The following CDNF variants were observed in gnomAD, a reference collection of about 807,000 sequenced individuals.
CDNF encodes cerebral dopamine neurotrophic factor.
Under a neutral mutation model 14.8 loss-of-function variants are expected in CDNF, and 9 were observed. The ratio of observed to expected loss-of-function variants is 0.61; its 90% CI spans 0.37 to 1.06. The LOEUF is 1.06. Among genes scored for constraint, CDNF ranks in the 50% least tolerant of loss-of-function variants. The pLI is 0.01. For synonymous variants in CDNF, 86 were observed against 87.2 expected, an observed-to-expected ratio of 0.99 and a Z score of 0.07; for missense variants, 228 against 228.4, an observed-to-expected ratio of 1.00 and a Z score of 0.01.
intron 1 of CDNF, 41 bp downstream of exon 1, chr10:14,837,791 C>A (rs761780592): frequency 1.8e-5 from 23 of 1,282,608 alleles, no homozygotes; most frequent in South Asian, 2.6e-5. Flanking sequence ...TGCGCCGCAG[C>A]GCGGGGCCGC....
chr10:14,830,453 G>A (rs1007735664), intron 1 of CDNF, among the ~76,000 whole-genome samples: 3 of 152,142 alleles, frequency 2.0e-5, no homozygotes, highest in African/African-American at 7.2e-5. Flanking sequence ...TTCTTCCCTA[G>A]GGGTTCATGA....
At chr10:14,829,394 T>G (rs958836080) in intron 1 of CDNF, among the ~76,000 whole-genome samples, 4 of 152,182 alleles carry the variant, frequency 2.6e-5, no homozygotes, top group Non-Finnish European at 5.9e-5. Context: ...GAGGATCTCT[T>G]GAGGCCAGGA....
chr10:14,831,567 C>T lies in CDNF; in HGVS notation c.116-3295G>A, dbSNP rs565520620. Among the ~76,000 whole-genome samples, 1,195 of 145,746 alleles carry T rather than the reference C, an allele frequency of 8.2e-3. 21 individuals carry two copies. Among genetic ancestry groups the T allele is most frequent in the African/African-American group, 0.028 (1,109 of 39,840 alleles). ...ACATATATACACACACACACACACA[C>T]ATATATATATATATATTTTTTTTCA... On this transcript the variant is annotated intron_variant, in intron 1 of 3. Transcript: ENST00000465530.
chr10:14,834,448 C>T (rs1254328852), intron 1 of CDNF: 2 of 152,224 alleles, frequency 1.3e-5, no homozygotes, highest in African/African-American at 4.8e-5. Context: ...CCTCATCACT[C>T]TTGTGGTATT....
At chr10:14,830,229 A>C (rs190763831) in intron 1 of CDNF, among the ~76,000 whole-genome samples, 5 of 152,268 alleles carry the variant, frequency 3.3e-5, no homozygotes, top group African/African-American at 4.8e-5. Context: ...ATCATTTCTC[A>C]GAGATATATA....
At chr10:14,822,662 C>G (rs1411389069) in intron 3 of CDNF, among the ~76,000 whole-genome samples, 1 of 152,126 alleles carries the variant, frequency 6.6e-6, no homozygotes, top group Non-Finnish European at 1.5e-5. Flanking sequence ...TATTAAACAA[C>G]TAGTGGCAGC....
intron 1 of CDNF, chr10:14,834,482 T>C (rs1259985455): frequency 6.6e-6 from 1 of 152,228 alleles, no homozygotes; most frequent in African/African-American, 2.4e-5. Context: ...CTTCATATGA[T>C]TTCTATACCT....
chr10:14,833,768 C>T (rs566512269), intron 1 of CDNF, among the ~76,000 whole-genome samples: 2 of 152,068 alleles, frequency 1.3e-5, no homozygotes, highest in South Asian at 2.1e-4. Context: ...AGTCCTGGGT[C>T]TCAGCCTTGT....
intron 1 of CDNF, chr10:14,834,447 T>G (rs1037817127): frequency 1.9e-4 from 29 of 152,206 alleles, no homozygotes; most frequent in African/African-American, 6.5e-4. Context: ...GCCTCATCAC[T>G]CTTGTGGTAT....
At position 14,820,051 on chromosome 10, in the gene CDNF, T is replaced by C. The variant is rs1289596155; in HGVS notation, c.493A>G (p.Thr165Ala). 6.2e-7 allele frequency: 1 copy of C among 1,614,018 alleles called. No individual in the cohort carries two copies. Among genetic ancestry groups the C allele is most frequent in the Non-Finnish European group, 8.5e-7 (1 of 1,180,002 alleles). ...GEECRACAEK[T>A]DYVNLIQELA... ...TCTTGAATGAGATTCACATAGTCAG[T>C]TTTTTCTGCACAGGCCCTGCACTCC... The change falls in exon 4 of 4, where the codon ACT becomes GCT. Residue 165 changes from threonine to alanine, a missense_variant. Transcript: ENST00000465530.
chr10:14,832,510 T>C (rs960734488), intron 1 of CDNF, among the ~76,000 whole-genome samples: 5 of 152,210 alleles, frequency 3.3e-5, no homozygotes, highest in African/African-American at 1.2e-4. Flanking sequence ...CTCTGAAGGC[T>C]GTCTGAAGAA....
chr10:14,820,195 A>G (rs774531149), intron 3 of CDNF, 37 bp from the exon 4 acceptor site: 1 of 1,598,444 alleles, frequency 6.3e-7, no homozygotes, highest in East Asian at 2.2e-5. Flanking sequence ...ATTACAAAAT[A>G]AATGGAAAAA....
At chr10:14,830,385 C>G (rs919545551) in intron 1 of CDNF, among the ~76,000 whole-genome samples, 1 of 152,190 alleles carries the variant, frequency 6.6e-6, no homozygotes, top group Non-Finnish European at 1.5e-5. Context: ...TACCTGAAGC[C>G]ACTGCAGGGG....
In CDNF at chr10:14,837,872, C is replaced by A; in HGVS notation, c.75G>T (p.Gln25His). ...GLLVSHPVLTQGQEAGGRPGA... is the reference protein window; with the variant it reads ...GLLVSHPVLTHGQEAGGRPGA... Reference sequence around the variant, plus strand: ...CTGGCCGCCCCCCGGCCTCCTGGCCCTGCGTCAGCACCGGGTGAGAGACCA... The same window carrying A: ...CTGGCCGCCCCCCGGCCTCCTGGCCATGCGTCAGCACCGGGTGAGAGACCA... The change falls in exon 1 of 4, where the codon CAG becomes CAT. Residue 25 changes from glutamine to histidine, a missense_variant. By Grantham distance (24) the Gln-to-His change is conservative (BLOSUM62 0). Coordinates refer to ENST00000465530, the MANE Select transcript of CDNF (RefSeq NM_001029954.3). The A allele has an allele frequency of 6.2e-7, 1 of 1,605,614 alleles. No homozygotes were observed. The highest frequency in any genetic ancestry group is 8.5e-7 in the Non-Finnish European group (1 of 1,178,022).
At position 14,819,878 on chromosome 10, in the gene CDNF, C is replaced by A. The variant is rs904469864; in HGVS notation, c.*102G>T. ...TAATACCAACACAAAAAGCATGAGACCAAATATGATGCATTCCCAGTTATC... is the reference window on the plus strand; with the variant it reads ...TAATACCAACACAAAAAGCATGAGAACAAATATGATGCATTCCCAGTTATC... On this transcript the variant is annotated 3_prime_UTR_variant, in exon 4 of 4. Transcript: ENST00000465530. 2 of 1,193,700 alleles carry A rather than the reference C, an allele frequency of 1.7e-6. No homozygotes were observed. The highest frequency in any genetic ancestry group is 2.3e-6 in the Non-Finnish European group (2 of 851,250). 73.9% of individuals were successfully genotyped at this position (1,193,700 alleles called of 1,614,324 possible). A position where few individuals can be genotyped will look rare whatever the true frequency, so the allele number is the denominator to read the frequency against.
At chr10:14,823,892 A>G (rs1315827386) in intron 3 of CDNF, among the ~76,000 whole-genome samples, 1 of 152,216 alleles carries the variant, frequency 6.6e-6, no homozygotes, top group Non-Finnish European at 1.5e-5. Context: ...TTGGAAGCCA[A>G]TAAAAAAGGG....
chr10:14,837,827 C>T lies in CDNF; in HGVS notation c.115+5G>A. ...CGCCATGCAAGCAGTTGTCACACCG[C>T]TCACCTTCACAGTCGGCCCCTGGCC... is the stretch of plus-strand genomic sequence containing the variant. On this transcript the variant is annotated splice_donor_5th_base_variant and intron_variant, in intron 1 of 3. Transcript: ENST00000465530. 4 of 1,562,616 alleles carry T rather than the reference C, an allele frequency of 2.6e-6. No individual in the cohort carries two copies. The highest frequency in any genetic ancestry group is 3.5e-6 in the Non-Finnish European group (4 of 1,150,922).
At position 14,830,762 on chromosome 10, in the gene CDNF, C is replaced by T. The variant is rs375573787; in HGVS notation, c.116-2490G>A. On this transcript the variant is annotated intron_variant, in intron 1 of 3. Transcript: ENST00000465530. ...TTGGGAGGCTGAGGCAGGAGAAATG[C>T]TTGAACCCGGGAGGCGGAGGTTGCA... Among the ~76,000 whole-genome samples the T allele has an allele frequency of 1.5e-3, 230 of 152,244 alleles. No individual in the cohort carries two copies. The Middle Eastern group carries it at 0.02, about 14-fold the overall frequency.
At position 14,837,847 on chromosome 10, in the gene CDNF, C is replaced by T; in HGVS notation, c.100G>A (p.Gly34Arg). ...CACCGCTCACCTTCACAGTCGGCCCCTGGCCGCCCCCCGGCCTCCTGGCCC... is the reference window on the plus strand; with the variant it reads ...CACCGCTCACCTTCACAGTCGGCCCTTGGCCGCCCCCCGGCCTCCTGGCCC... Reference protein sequence around the residue: ...TQGQEAGGRPGADCEVCKEFL... With the variant: ...TQGQEAGGRPRADCEVCKEFL... The change falls in exon 1 of 4, where the codon GGG becomes AGG. Residue 34 changes from glycine to arginine, a missense_variant. Gly to Arg is a moderately radical substitution (Grantham distance 125, BLOSUM62 -2). Coordinates refer to ENST00000465530, the MANE Select transcript of CDNF (RefSeq NM_001029954.3). 6.3e-7 allele frequency: 1 copy of T among 1,593,880 alleles called. No homozygotes were observed.
Sources: allele counts gnomAD v4.1 joint callset (sites outside exome capture counted in the v4.1 genomes callset), GRCh38; gene constraint gnomAD v4.1.1; transcripts MANE v1.5; gene names NCBI Gene and HGNC (gene_info 2026-07-23, HGNC 2026-07-21).